Variants in KCNQ5 observed in about 807,000 individuals in gnomAD.
KCNQ5 encodes potassium voltage-gated channel subfamily Q member 5, also known as potassium voltage-gated channel subfamily KQT member 5.
A neutral mutation model predicts 98.2 loss-of-function variants in KCNQ5; 30 were observed. The ratio of observed to expected loss-of-function variants is 0.31; its 90% CI spans 0.23 to 0.41. The LOEUF (loss-of-function observed/expected upper bound fraction) is 0.41, where lower values mean the gene tolerates loss of function less well. Ranked by LOEUF, KCNQ5 falls within the 10% of genes least tolerant of loss-of-function variation. The pLI is 1.00. For missense variants in KCNQ5, 835 were observed against 1,182.5 expected (o/e 0.71, Z 4.31); for synonymous variants, 458 against 449.4 (o/e 1.02, Z -0.24).
chr6:72,943,110 T>C (rs564894267), intron 1 of KCNQ5, among the ~76,000 whole-genome samples: 1 of 152,198 alleles, frequency 6.6e-6, no homozygotes. Flanking sequence ...GCCTGCACTG[T>C]TAGTAATACA....
chr6:72,671,256 C>A (rs1471819850), intron 1 of KCNQ5, among the ~76,000 whole-genome samples: 1 of 152,124 alleles, frequency 6.6e-6, no homozygotes, highest in Non-Finnish European at 1.5e-5. Context: ...TTTGGGAAAA[C>A]TGAATGAGTC....
intron 1 of KCNQ5, among the ~76,000 whole-genome samples, chr6:72,865,074 C>T (rs1163704227): frequency 6.6e-6 from 1 of 152,184 alleles, no homozygotes; most frequent in African/African-American, 2.4e-5. Flanking sequence ...TTAATCCTTA[C>T]TGCATCTTTG....
chr6:73,165,139 A>G (rs1036363387), intron 10 of KCNQ5, among the ~76,000 whole-genome samples: 2 of 152,104 alleles, frequency 1.3e-5, no homozygotes, highest in African/African-American at 2.4e-5. Context: ...ACACACTACC[A>G]TGCCTGGCTT....
chr6:73,170,853 G>A (rs1461141884), intron 11 of KCNQ5, among the ~76,000 whole-genome samples: 1 of 152,108 alleles, frequency 6.6e-6, no homozygotes, highest in Non-Finnish European at 1.5e-5. Flanking sequence ...AGACTCTCTT[G>A]AGCCCGGGAG....
At chr6:72,724,107 T>C (rs1359014333) in intron 1 of KCNQ5, among the ~76,000 whole-genome samples, 1 of 152,212 alleles carries the variant, frequency 6.6e-6, no homozygotes, top group Non-Finnish European at 1.5e-5. Context: ...CTCTGTGGTT[T>C]GTTCCCTAAT....
At chr6:73,097,546 C>T (rs1033624597) in intron 5 of KCNQ5, among the ~76,000 whole-genome samples, 22 of 152,218 alleles carry the variant, frequency 1.4e-4, no homozygotes, top group Non-Finnish European at 4.4e-5. Flanking sequence ...TAAGGATGCC[C>T]ACTTGAGCAA....
chr6:72,674,537 G>A (rs536955560), intron 1 of KCNQ5, among the ~76,000 whole-genome samples: 4 of 152,276 alleles, frequency 2.6e-5, no homozygotes, highest in Non-Finnish European at 5.9e-5. Context: ...TTGGGAGGCC[G>A]AGGCAGGCAG....
At chr6:72,967,454 T>C (rs1459303485) in intron 1 of KCNQ5, among the ~76,000 whole-genome samples, 1 of 152,218 alleles carries the variant, frequency 6.6e-6, no homozygotes, top group Admixed American at 6.5e-5. Flanking sequence ...TTTGGGCATA[T>C]ATTAGTTATC....
At chr6:72,799,924 T>A (rs1774545885) in intron 1 of KCNQ5, among the ~76,000 whole-genome samples, 1 of 152,100 alleles carries the variant, frequency 6.6e-6, no homozygotes, top group South Asian at 2.1e-4. Context: ...ATCAAGCTAC[T>A]TTGAAAAAAA....
At chr6:72,816,500 T>A (rs1004644759) in intron 1 of KCNQ5, among the ~76,000 whole-genome samples, 3 of 151,852 alleles carry the variant, frequency 2.0e-5, no homozygotes, top group Non-Finnish European at 4.4e-5. Flanking sequence ...TGAAAGAGAG[T>A]TTCCAGTGCC....
intron 1 of KCNQ5, among the ~76,000 whole-genome samples, chr6:72,662,381 T>C (rs573460607): frequency 6.6e-6 from 1 of 152,314 alleles, no homozygotes; most frequent in East Asian, 1.9e-4. Flanking sequence ...TTGTTTCTTT[T>C]TAATTCTCTC....
chr6:73,122,848 A>G (rs1399171026), intron 8 of KCNQ5, among the ~76,000 whole-genome samples: 2 of 152,236 alleles, frequency 1.3e-5, no homozygotes, highest in East Asian at 3.8e-4. Flanking sequence ...CTTTTGTTTT[A>G]CAAAGCAAAC....
chr6:72,761,895 A>G (rs549331379), intron 1 of KCNQ5, among the ~76,000 whole-genome samples: 55 of 152,218 alleles, frequency 3.6e-4, no homozygotes, highest in South Asian at 2.7e-3. Flanking sequence ...GATACGTAGA[A>G]GTCCCCCAGA....
intron 1 of KCNQ5, among the ~76,000 whole-genome samples, chr6:72,952,634 A>G (rs1766857687): frequency 6.6e-6 from 1 of 152,222 alleles, no homozygotes; most frequent in Non-Finnish European, 1.5e-5. Context: ...CATGTTGTAA[A>G]TTATTTTCTA....
intron 1 of KCNQ5, among the ~76,000 whole-genome samples, chr6:72,910,123 C>T (rs923084996): frequency 6.6e-6 from 1 of 152,094 alleles, no homozygotes; most frequent in African/African-American, 2.4e-5. Context: ...ATTACTACCA[C>T]CAGTTTGTGA....
intron 1 of KCNQ5, among the ~76,000 whole-genome samples, chr6:73,002,221 C>A (rs531335405): frequency 1.3e-5 from 2 of 152,250 alleles, no homozygotes; most frequent in Non-Finnish European, 2.9e-5. Flanking sequence ...CCTCTTGGAG[C>A]CTTCTGTTTA....
intron 1 of KCNQ5, among the ~76,000 whole-genome samples, chr6:72,868,556 G>T (rs994210985): frequency 1.3e-5 from 2 of 152,300 alleles, no homozygotes; most frequent in Admixed American, 6.5e-5. Flanking sequence ...GGAAGGAAAT[G>T]AATTCAGGAG....
intron 1 of KCNQ5, among the ~76,000 whole-genome samples, chr6:72,948,990 T>TAA (rs1186645358): frequency 6.6e-6 from 1 of 152,236 alleles, no homozygotes; most frequent in Non-Finnish European, 1.5e-5. Context: ...TTAGTATTGT[T>TAA]ATTGGATCAA....
At chr6:72,861,898 C>T (rs936160156) in intron 1 of KCNQ5, among the ~76,000 whole-genome samples, 1 of 151,920 alleles carries the variant, frequency 6.6e-6, no homozygotes, top group Non-Finnish European at 1.5e-5. Context: ...TAGAGTAAGT[C>T]ATCTCTCCTG....
Sources: allele counts gnomAD v4.1 joint callset (sites outside exome capture counted in the v4.1 genomes callset), GRCh38; gene constraint gnomAD v4.1.1; transcripts MANE v1.5; gene names NCBI Gene and HGNC (gene_info 2026-07-23, HGNC 2026-07-21).